The following ZFYVE16 variants were observed in gnomAD, a reference collection of about 807,000 sequenced individuals.
ZFYVE16 encodes the protein zinc finger FYVE-type containing 16, also known as zinc finger FYVE domain-containing protein 16.
In ZFYVE16, 89 loss-of-function variants were observed where a neutral mutation model predicts 138.1. The ratio of observed to expected loss-of-function variants is 0.64; its 90% CI spans 0.54 to 0.77. The LOEUF is 0.77. ZFYVE16 is among the 30% of genes least tolerant of loss of function. The probability of loss-of-function intolerance (pLI) is 0.00; values close to 1 mark genes in which losing one functional copy is unlikely to be tolerated. For synonymous variants in ZFYVE16, 596 were observed against 618.3 expected (o/e 0.96, Z 0.53); for missense variants, 1,793 against 1,786.7 (o/e 1.00, Z -0.06).
rs902104529 is a variant in ZFYVE16 at position 80,474,787 on chromosome 5, G to T, written c.4418G>T (p.Gly1473Val). Residue 1473 changes from glycine (G) to valine (V), a missense_variant, in exon 18 of 19, where the codon GGG becomes GTG. Around this residue, in one of 2 missense-constraint regions of ZFYVE16, gnomAD observed 498 missense variants for 582.4 expected, o/e 0.86. Transcript: ENST00000505560. ...CACCTGAAAACTCTAAAAAGTAATG[G>T]GATGAATAAAATTGGACTCAGAGTT... ...CPHLKTLKSN[G>V]MNKIGLRVSI... The T allele has an allele frequency of 1.9e-6, 3 of 1,613,370 alleles. No individual in the cohort carries two copies. The African/African-American group carries it at 4.0e-5, about 22-fold the overall frequency.
chr5:80,455,923 C>T (rs1752480196), intron 12 of ZFYVE16, 149 bp downstream of exon 12: 1 of 686,366 alleles, frequency 1.5e-6, no homozygotes, highest in Non-Finnish European at 2.3e-6. Context: ...ATTATTTTAA[C>T]ATTAGTGCTC....
At position 80,483,306 on chromosome 5, in the gene ZFYVE16, T is replaced by C. The variant is rs575247626; in HGVS notation, c.*5929T>C. On this transcript the variant is annotated 3_prime_UTR_variant, in exon 19 of 19. Coordinates refer to ENST00000505560, the MANE Select transcript of ZFYVE16 (RefSeq NM_001284236.3). ...GGAAGAGCAACCAAAATGGCAAATC[T>C]CTGGATAAACCAAATAGACTTACAT... 1.3e-5 allele frequency: 2 copies of C among 152,182 alleles called. No individual in the cohort carries two copies. Among genetic ancestry groups the C allele is most frequent in the Non-Finnish European group, 2.9e-5 (2 of 68,032 alleles). The allele number at this position is 152,182 out of a possible 1,614,324, so 9.4% of individuals were successfully genotyped here. A position where few individuals can be genotyped will look rare whatever the true frequency, so the allele number is the denominator to read the frequency against.
intron 7 of ZFYVE16, 65 bp downstream of exon 7, chr5:80,445,470 G>A: frequency 7.2e-7 from 1 of 1,398,512 alleles, no homozygotes; most frequent in Non-Finnish European, 9.6e-7. Flanking sequence ...AATTCCTGGT[G>A]TGATTATTAG....
intron 5 of ZFYVE16, chr5:80,440,633 C>G (rs1317161121): frequency 2.1e-6 from 2 of 958,222 alleles, no homozygotes; most frequent in Non-Finnish European, 1.2e-6. Context: ...TAGCAATATT[C>G]TTGGTGGTCT....
chr5:80,429,608 C>T (rs1748678170), intron 2 of ZFYVE16, among the ~76,000 whole-genome samples: 1 of 152,088 alleles, frequency 6.6e-6, no homozygotes, highest in African/African-American at 2.4e-5. Flanking sequence ...ACAATATGAA[C>T]CTTAAATGTA....
chr5:80,445,480 G>T, intron 7 of ZFYVE16, 75 bp downstream of exon 7: 3 of 1,288,848 alleles, frequency 2.3e-6, no homozygotes, highest in East Asian at 2.5e-5. Context: ...GTGATTATTA[G>T]AGTGCTTTTT....
In ZFYVE16 at chr5:80,448,104, G is replaced by A. The variant is rs1402348333; in HGVS notation, c.2803G>A (p.Glu935Lys). ...NNETGDITRN[E>K]IIQSPISQVP... ...TGAGACAGGAGATATTACAAGAAAT[G>A]AGATAATTCAGAGTCCTATTTCTCA... Residue 935 changes from glutamate (E) to lysine (K), a missense_variant, in exon 8 of 19, where the codon GAG (glutamate) becomes AAG (lysine). This residue lies in a region of ZFYVE16 where 1,295 missense variants were observed against 1,204.3 expected (regional missense o/e 1.08). Transcript: ENST00000505560. The A allele has an allele frequency of 1.9e-6, 3 of 1,613,810 alleles. No homozygotes were observed. The highest frequency in any genetic ancestry group is 2.5e-6 in the Non-Finnish European group (3 of 1,179,882).
chr5:80,477,339 A>G lies in ZFYVE16; in HGVS notation c.4582A>G (p.Ile1528Val). The stretch of plus-strand genomic sequence containing the variant: ...CTCCAACTCTAGTTTACCATTAGAA[A>G]TAGAATTAGTGTTTTTCATTATAGA... ...GTSNSSLPLE[I>V]ELVFFIIEHL... Residue 1528 changes from isoleucine to valine, a missense_variant, in exon 19 of 19, where the codon ATA becomes GTA. This residue lies in a region of ZFYVE16 where 498 missense variants were observed against 582.4 expected (regional missense o/e 0.86). Transcript: ENST00000505560. The G allele has an allele frequency of 1.2e-6, 2 of 1,609,366 alleles. No homozygotes were observed. The highest frequency in any genetic ancestry group is 1.7e-6 in the Non-Finnish European group (2 of 1,178,356).
At chr5:80,473,123 C>T (rs1284549463) in intron 16 of ZFYVE16, among the ~76,000 whole-genome samples, 200 bp downstream of exon 16, 1 of 152,002 alleles carries the variant, frequency 6.6e-6, no homozygotes, top group Non-Finnish European at 1.5e-5. Context: ...GGTTTTTGGG[C>T]CAGGATGGTC....
At chr5:80,414,686 AT>A (rs1382136168) in intron 1 of ZFYVE16, among the ~76,000 whole-genome samples, 2 of 152,212 alleles carry the variant, frequency 1.3e-5, no homozygotes, top group Non-Finnish European at 2.9e-5. Flanking sequence ...AAAATACAAG[AT>A]TCATGTCCTT....
chr5:80,420,367 A>G (rs552347050), intron 1 of ZFYVE16, among the ~76,000 whole-genome samples: 2 of 152,248 alleles, frequency 1.3e-5, no homozygotes, highest in East Asian at 3.9e-4. Flanking sequence ...ACATATGTAT[A>G]CATGTCCCAT....
rs73767796 is a variant in ZFYVE16, at chr5:80,465,162, G to C, written c.4024+5668G>C. ...TCATGTGCATTCAAGTTACAGTCTA[G>C]CATCCTTTTATTTAAGTGTGAGGGA... On this transcript the variant is annotated intron_variant, in intron 15 of 18. Transcript: ENST00000505560. Among the ~76,000 whole-genome samples, 1,392 of 152,014 alleles carry C rather than the reference G, an allele frequency of 9.2e-3. 24 individuals carry two copies. The highest frequency in any genetic ancestry group is 0.033 in the African/African-American group (1,358 of 41,464).
rs1021859483 is a variant in ZFYVE16, at chr5:80,437,624, C to T, written c.939C>T (p.Cys313=). The T allele has an allele frequency of 3.1e-6, 5 of 1,612,368 alleles. No homozygotes were observed. The African/African-American group carries it at 5.4e-5, about 17-fold the overall frequency. ...GCCTTCCGAAAAATGAAGATTTATG[C>T]TTAAATGATTCAAATTCAAGAGATG... ...TCSLPKNEDL[C]LNDSNSRDEN... The change falls in exon 4 of 19, where the codon TGC becomes TGT. Residue 313 remains cysteine (C), a synonymous_variant. Coordinates refer to ENST00000505560, the MANE Select transcript of ZFYVE16 (RefSeq NM_001284236.3).
chr5:80,475,655 A>G (rs1344366432), intron 18 of ZFYVE16, among the ~76,000 whole-genome samples: 1 of 152,150 alleles, frequency 6.6e-6, no homozygotes, highest in African/African-American at 2.4e-5. Context: ...AATATATCTT[A>G]AAGATATTAA....
At position 80,437,182 on chromosome 5, in the gene ZFYVE16, T is replaced by G. The variant is rs1186779458; in HGVS notation, c.497T>G (p.Leu166Ter). ...SNADSLIGLD[L>*]SSVSDTPCVS... ...GCAGATTCCTTGATTGGATTGGATT[T>G]ATCTTCAGTGTCAGATACTCCCTGT... The change falls in exon 4 of 19, where the codon TTA becomes TGA. Residue 166 changes from leucine to a stop codon, truncating the protein, a stop_gained. Transcript: ENST00000505560. LOFTEE classifies it high-confidence loss of function. 2.5e-6 allele frequency: 4 copies of G among 1,614,074 alleles called. No individual in the cohort carries two copies. The highest frequency in any genetic ancestry group is 2.2e-5 in the East Asian group (1 of 44,870).
chr5:80,447,957 T>C (rs1290079660), intron 7 of ZFYVE16, 69 bp from the exon 8 acceptor site: 1 of 1,338,326 alleles, frequency 7.5e-7, no homozygotes, highest in Non-Finnish European at 1.0e-6. Context: ...TTGGCTATAG[T>C]GATCTCATTT....
intron 15 of ZFYVE16, among the ~76,000 whole-genome samples, chr5:80,464,091 C>T (rs1346690192): frequency 6.6e-6 from 1 of 152,166 alleles, no homozygotes; most frequent in African/African-American, 2.4e-5. Flanking sequence ...CTGTTCCACC[C>T]TCTGCCTGTT....
intron 1 of ZFYVE16, among the ~76,000 whole-genome samples, chr5:80,415,462 C>T (rs958202806): frequency 6.6e-6 from 1 of 152,148 alleles, no homozygotes; most frequent in Non-Finnish European, 1.5e-5. Context: ...TCCTTAGGCA[C>T]CTCTTGATTG....
At chr5:80,439,879 C>CTAG in intron 4 of ZFYVE16, 57 bp from the exon 5 acceptor site, 1 of 1,459,184 alleles carries the variant, frequency 6.9e-7, no homozygotes, top group Non-Finnish European at 9.4e-7. Context: ...CACACTGCCT[C>CTAG]TAGTAGGTGT....
Sources: allele counts gnomAD v4.1 joint callset (sites outside exome capture counted in the v4.1 genomes callset), GRCh38; gene constraint gnomAD v4.1.1; regional missense constraint gnomAD v4.1.1; transcripts MANE v1.5; gene names NCBI Gene and HGNC (gene_info 2026-07-23, HGNC 2026-07-21).